MTUS2: variants seen among roughly 807,000 people sequenced by gnomAD.
The protein encoded by MTUS2 is microtubule associated scaffold protein 2.
In MTUS2, 40 loss-of-function variants were observed where a neutral mutation model predicts 114.1. The observed-to-expected ratio is 0.35, with a 90% confidence interval of 0.27 to 0.46. The LOEUF is 0.46. Ranked by LOEUF, MTUS2 falls within the 20% of genes least tolerant of loss-of-function variation. MTUS2 has a pLI of 1.00. For synonymous variants in MTUS2, 688 were observed against 672.0 expected (o/e 1.02, Z -0.37); for missense variants, 1,679 against 1,705.4 (o/e 0.98, Z 0.27).
chr13:29,336,992 C>A (rs971904800), intron 7 of MTUS2, among the ~76,000 whole-genome samples: 1 of 152,156 alleles, frequency 6.6e-6, no homozygotes, highest in Non-Finnish European at 1.5e-5. Context: ...TGCCCCTTCC[C>A]CCACCAAGCT....
At position 28,976,203 on chromosome 13, in the gene MTUS2, C is replaced by CAAAA. The variant is rs71090215; in HGVS notation, c.-242-48236_-242-48233dup. On this transcript the variant is annotated intron_variant, in intron 2 of 15. Coordinates refer to ENST00000612955, the MANE Select transcript of MTUS2 (RefSeq NM_001033602.4). The stretch of plus-strand genomic sequence containing the variant: ...TAGATGACAGAATGAGACCTTGTCT[C>CAAAA]AAAAAAAAAAAAAAAAAAAAAGAAA... Among the ~76,000 whole-genome samples, 419 of 90,076 alleles carry CAAAA rather than the reference C, an allele frequency of 4.7e-3. 1 individual carries two copies. Among genetic ancestry groups the CAAAA allele is most frequent in the African/African-American group, 0.015 (335 of 22,952 alleles). The allele number at this position is 90,076 out of a possible 152,430, so 59.1% of individuals were successfully genotyped here.
intron 4 of MTUS2, among the ~76,000 whole-genome samples, chr13:29,059,028 C>T (rs974227069): frequency 2.0e-5 from 3 of 152,026 alleles, no homozygotes; most frequent in Non-Finnish European, 4.4e-5. Context: ...TGACAATCTT[C>T]GTTCCTGTCC....
chr13:29,211,516 C>A (rs1895436966), intron 5 of MTUS2, among the ~76,000 whole-genome samples: 1 of 152,370 alleles, frequency 6.6e-6, no homozygotes, highest in Admixed American at 6.5e-5. Context: ...CTGGAAGTTT[C>A]CTTCTCCCTG....
intron 3 of MTUS2, among the ~76,000 whole-genome samples, chr13:29,030,371 T>C (rs1173292516): frequency 6.6e-6 from 1 of 152,196 alleles, no homozygotes; most frequent in Middle Eastern, 3.2e-3. Context: ...GCCTCGACTT[T>C]ACAAGTTCGT....
rs1869316535 is a variant in MTUS2, at chr13:29,351,840, C to A, written c.2906-7422C>A. ...GTGTTGCCCAGGCTGGTCTCAAACACCTGAGCTCAAGCCATCGTCCCGCCT... is the reference window on the plus strand; with the variant it reads ...GTGTTGCCCAGGCTGGTCTCAAACAACTGAGCTCAAGCCATCGTCCCGCCT... On this transcript the variant is annotated intron_variant, in intron 7 of 15. Transcript: ENST00000612955. 2.0e-5 allele frequency among the ~76,000 whole-genome samples: 3 copies of A among 151,210 alleles called. No individual in the cohort carries two copies. The South Asian group carries it at 6.3e-4, about 32-fold the overall frequency.
chr13:28,851,799 A>G (rs1213160592), intron 2 of MTUS2, among the ~76,000 whole-genome samples: 1 of 139,260 alleles, frequency 7.2e-6, no homozygotes, highest in East Asian at 2.0e-4. Flanking sequence ...CTGAGTGGGT[A>G]GGAGCACTTG....
At chr13:28,862,480 G>A (rs1234231916) in intron 2 of MTUS2, among the ~76,000 whole-genome samples, 1 of 152,176 alleles carries the variant, frequency 6.6e-6, no homozygotes, top group African/African-American at 2.4e-5. Context: ...AGGCATGGTG[G>A]CGCACACCTG....
At chr13:28,962,062 T>G (rs1017415405) in intron 2 of MTUS2, among the ~76,000 whole-genome samples, 1 of 151,286 alleles carries the variant, frequency 6.6e-6, no homozygotes, top group African/African-American at 2.4e-5. Context: ...TTTATACATA[T>G]AAAGAGATTT....
At chr13:29,059,981 C>G (rs1327920504) in intron 4 of MTUS2, among the ~76,000 whole-genome samples, 1 of 152,244 alleles carries the variant, frequency 6.6e-6, no homozygotes, top group African/African-American at 2.4e-5. Flanking sequence ...CATTGCCTGC[C>G]TGGCTCCCAG....
chr13:29,260,120 A>G (rs1316115278), intron 5 of MTUS2, among the ~76,000 whole-genome samples: 1 of 152,160 alleles, frequency 6.6e-6, no homozygotes, highest in Non-Finnish European at 1.5e-5. Context: ...TCTCTATGCC[A>G]TAGGATGCTT....
rs1892824376 is a variant in MTUS2 at position 29,155,559 on chromosome 13, CA to C, written c.2644+54590del. Among the ~76,000 whole-genome samples the C allele has an allele frequency of 5.3e-5, 8 of 152,120 alleles. No individual in the cohort carries two copies. In the South Asian group the frequency reaches 1.7e-3, roughly 32 times the overall value. ...GGAGAGGATCATGAAGAGGCAGGCT[CA>C]GGATGGATATGCTCTAAGATGTGCT... On this transcript the variant is annotated intron_variant, in intron 5 of 15. Coordinates refer to ENST00000612955, the MANE Select transcript of MTUS2 (RefSeq NM_001033602.4).
chr13:29,248,854 C>A (rs1897021526), intron 5 of MTUS2, among the ~76,000 whole-genome samples: 1 of 152,178 alleles, frequency 6.6e-6, no homozygotes, highest in African/African-American at 2.4e-5. Flanking sequence ...ATATGTACCA[C>A]ATTTTCTTTA....
rs192526554 is a variant in MTUS2, at chr13:29,295,362, C to G, written c.2806+13497C>G. The stretch of plus-strand genomic sequence containing the variant: ...CTTATAGTGCCATAGAACACTAGAA[C>G]TTACTCCTCCTATCTGGATGTACTT... On this transcript the variant is annotated intron_variant, in intron 6 of 15. Transcript: ENST00000612955. Among the ~76,000 whole-genome samples the G allele has an allele frequency of 6.8e-4, 103 of 152,234 alleles. 2 individuals are homozygous for G. The highest frequency in any genetic ancestry group is 1.4e-3 in the Admixed American group (21 of 15,280).
chr13:29,135,046 C>A (rs896988790), intron 5 of MTUS2, among the ~76,000 whole-genome samples: 1 of 152,184 alleles, frequency 6.6e-6, no homozygotes, highest in Admixed American at 6.5e-5. Context: ...ATAAACAATT[C>A]ATAGGTTTTA....
chr13:28,936,708 G>A (rs1881920355), intron 2 of MTUS2, among the ~76,000 whole-genome samples: 1 of 152,176 alleles, frequency 6.6e-6, no homozygotes, highest in Non-Finnish European at 1.5e-5. Context: ...CATTTCCGGT[G>A]TCCCCTGAGG....
chr13:28,948,594 A>G (rs1337918566), intron 2 of MTUS2, among the ~76,000 whole-genome samples: 1 of 152,186 alleles, frequency 6.6e-6, no homozygotes, highest in Non-Finnish European at 1.5e-5. Flanking sequence ...ATTCCAATAT[A>G]GGTTATTTCT....
intron 4 of MTUS2, among the ~76,000 whole-genome samples, chr13:29,039,278 C>G (rs1023706500): frequency 2.0e-4 from 30 of 152,224 alleles, no homozygotes; most frequent in African/African-American, 6.8e-4. Flanking sequence ...GTGGTAGGGA[C>G]CTTCCCTTAG....
chr13:29,437,440 GTACCAAAATTAGTGCTCTCCAAAA>G (rs1423884788), intron 8 of MTUS2, among the ~76,000 whole-genome samples: 1 of 152,182 alleles, frequency 6.6e-6, no homozygotes, highest in Non-Finnish European at 1.5e-5. Flanking sequence ...TTCAGGGTCA[GTACCAAAATTAGTGCTCTCCAAAA>G]TACCAAATTT....
At chr13:29,234,312 G>A (rs190747748) in intron 5 of MTUS2, among the ~76,000 whole-genome samples, 7 of 152,012 alleles carry the variant, frequency 4.6e-5, no homozygotes, top group East Asian at 1.9e-4. Flanking sequence ...GGATTCCACC[G>A]AAGACTCCTC....
Sources: gnomAD v4.1 joint callset for allele counts (sites outside exome capture counted in the v4.1 genomes callset) on GRCh38, gnomAD v4.1.1 for gene constraint, MANE v1.5 for transcripts, NCBI Gene and HGNC (gene_info 2026-07-23, HGNC 2026-07-21) for gene names.